Variants in TMEM132C observed in about 807,000 individuals in gnomAD.
The protein encoded by TMEM132C is transmembrane protein 132C.
In TMEM132C, 29 loss-of-function variants were observed where a neutral mutation model predicts 61.4. The observed-to-expected ratio is 0.47, with a 90% CI of 0.35 to 0.64. TMEM132C has a LOEUF of 0.64. TMEM132C is among the 30% of genes least tolerant of loss of function. The pLI is 0.00. For missense variants in TMEM132C, 1,408 were observed against 1,476.9 expected (o/e 0.95, Z 0.76); for synonymous variants, 656 against 633.1 (o/e 1.04, Z -0.54).
At chr12:128,493,229 AC>A (rs1485338258) in intron 2 of TMEM132C, among the ~76,000 whole-genome samples, 3 of 152,202 alleles carry the variant, frequency 2.0e-5, no homozygotes, top group Non-Finnish European at 4.4e-5. Context: ...TGGTACCAGT[AC>A]CATGCTGTTT....
chr12:128,485,835 G>A (rs187060655), intron 2 of TMEM132C, among the ~76,000 whole-genome samples: 3 of 152,280 alleles, frequency 2.0e-5, no homozygotes, highest in South Asian at 2.1e-4. Flanking sequence ...CGGAGGGCGC[G>A]GAGGTTTCTG....
intron 1 of TMEM132C, among the ~76,000 whole-genome samples, chr12:128,325,812 G>A (rs1291428794): frequency 6.6e-6 from 1 of 152,068 alleles, no homozygotes; most frequent in African/African-American, 2.4e-5. Context: ...CCAGCAACCC[G>A]GCTGTCAGGC....
At chr12:128,641,249 A>G (rs1429623745) in intron 4 of TMEM132C, among the ~76,000 whole-genome samples, 3 of 152,078 alleles carry the variant, frequency 2.0e-5, no homozygotes, top group Non-Finnish European at 4.4e-5. Context: ...CATGTCCAGC[A>G]TCTCCCTCAA....
intron 1 of TMEM132C, among the ~76,000 whole-genome samples, chr12:128,342,339 A>G (rs933222874): frequency 2.6e-5 from 4 of 152,186 alleles, no homozygotes; most frequent in African/African-American, 9.6e-5. Context: ...ATTGTTCAGC[A>G]AGAAACAGGA....
intron 2 of TMEM132C, among the ~76,000 whole-genome samples, chr12:128,542,901 G>A (rs1007274442): frequency 4.0e-5 from 6 of 150,574 alleles, no homozygotes; most frequent in African/African-American, 7.3e-5. Flanking sequence ...GATTATAGGC[G>A]TGAGCCACTG....
At chr12:128,532,970 C>A (rs115873271) in intron 2 of TMEM132C, among the ~76,000 whole-genome samples, 3 of 152,186 alleles carry the variant, frequency 2.0e-5, no homozygotes, top group Non-Finnish European at 4.4e-5. Flanking sequence ...AAACCCACAG[C>A]CCCCTTCCTT....
chr12:128,337,331 A>G (rs531462709), intron 1 of TMEM132C, among the ~76,000 whole-genome samples: 9 of 152,212 alleles, frequency 5.9e-5, no homozygotes, highest in South Asian at 4.1e-4. Flanking sequence ...ATATTTTTCT[A>G]TTGTTCGCGG....
At chr12:128,475,174 G>A (rs1410421894) in intron 2 of TMEM132C, among the ~76,000 whole-genome samples, 1 of 152,078 alleles carries the variant, frequency 6.6e-6, no homozygotes. Context: ...GGGAGGTCAG[G>A]TTACAGCCAG....
intron 2 of TMEM132C, among the ~76,000 whole-genome samples, chr12:128,476,679 C>G (rs12313399): frequency 0.17 from 25,975 of 151,796 alleles, 3,537 homozygotes; most frequent in African/African-American, 0.37. Context: ...TTCCCAGCCT[C>G]AGCTGCACAG....
chr12:128,281,903 C>T lies in TMEM132C; in HGVS notation c.85+14416C>T, dbSNP rs577633390. On this transcript the variant is annotated intron_variant, in intron 1 of 8. Transcript: ENST00000435159. ...CTATTTCTTATCTCTAGGTACCCAG[C>T]CTCATTATTTCATTTCTTCCATAAA... Among the ~76,000 whole-genome samples, 8 of 152,322 alleles carry T rather than the reference C, an allele frequency of 5.3e-5. No individual in the cohort carries two copies. The South Asian group carries it at 1.7e-3, about 32-fold the overall frequency.
At chr12:128,600,071 C>T (rs1876119075) in intron 3 of TMEM132C, among the ~76,000 whole-genome samples, 1 of 152,146 alleles carries the variant, frequency 6.6e-6, no homozygotes, top group Admixed American at 6.5e-5. Context: ...CAAGCTCCGC[C>T]TCCCGGGTTC....
At chr12:128,681,092 C>A (rs1475328228) in intron 5 of TMEM132C, among the ~76,000 whole-genome samples, 1 of 152,112 alleles carries the variant, frequency 6.6e-6, no homozygotes, top group Non-Finnish European at 1.5e-5. Context: ...CCCACTTTGA[C>A]CCCTCTGCCT....
intron 4 of TMEM132C, among the ~76,000 whole-genome samples, chr12:128,622,057 A>G (rs1287303047): frequency 6.6e-6 from 1 of 151,948 alleles, no homozygotes; most frequent in Non-Finnish European, 1.5e-5. Context: ...ATATATATGT[A>G]TATGGGCTGG....
At chr12:128,540,838 C>A (rs1044628945) in intron 2 of TMEM132C, among the ~76,000 whole-genome samples, 1 of 152,072 alleles carries the variant, frequency 6.6e-6, no homozygotes, top group Admixed American at 6.6e-5. Context: ...CTGGAGAAAT[C>A]GTCAGGGCCC....
intron 2 of TMEM132C, among the ~76,000 whole-genome samples, chr12:128,502,218 C>G (rs527331798): frequency 5.3e-5 from 8 of 152,166 alleles, no homozygotes; most frequent in African/African-American, 1.2e-4. Context: ...CTGCCCTGCT[C>G]CCGAGAAACT....
At chr12:128,496,891 G>T (rs1871980531) in intron 2 of TMEM132C, among the ~76,000 whole-genome samples, 1 of 152,238 alleles carries the variant, frequency 6.6e-6, no homozygotes, top group Non-Finnish European at 1.5e-5. Flanking sequence ...GCATTCTTTT[G>T]GAAGGGGAGA....
intron 3 of TMEM132C, among the ~76,000 whole-genome samples, chr12:128,566,024 G>A (rs2136167058): frequency 6.6e-6 from 1 of 152,076 alleles, no homozygotes; most frequent in Non-Finnish European, 1.5e-5. Context: ...CGAGTAGCTG[G>A]GATTACAGGC....
chr12:128,582,045 C>T (rs570572982), intron 3 of TMEM132C, among the ~76,000 whole-genome samples: 2 of 152,228 alleles, frequency 1.3e-5, no homozygotes, highest in South Asian at 4.1e-4. Context: ...CGACAGGATC[C>T]CAGGCTTCAG....
chr12:128,464,003 T>C (rs1163793810), intron 2 of TMEM132C, among the ~76,000 whole-genome samples: 2 of 152,060 alleles, frequency 1.3e-5, no homozygotes, highest in African/African-American at 2.4e-5. Flanking sequence ...CAGCTGGCCC[T>C]CCCCTAAATA....
Sources: allele counts gnomAD v4.1 joint callset (sites outside exome capture counted in the v4.1 genomes callset), GRCh38; gene constraint gnomAD v4.1.1; transcripts MANE v1.5; gene names NCBI Gene and HGNC (gene_info 2026-07-23, HGNC 2026-07-21).